GSK3A: variants seen among roughly 807,000 people sequenced by gnomAD.
GSK3A encodes glycogen synthase kinase-3 alpha.
Under a neutral mutation model 56.6 loss-of-function variants are expected in GSK3A, and 14 were observed. That is an observed-to-expected ratio of 0.25 (90% CI 0.16 to 0.39). The LOEUF (loss-of-function observed/expected upper bound fraction) is 0.39. Among genes scored for constraint, GSK3A ranks in the 10% least tolerant of loss-of-function variants. GSK3A has a pLI of 1.00. For missense variants in GSK3A, 450 were observed against 656.0 expected (o/e 0.69, Z 3.43); for synonymous variants, 301 against 285.0 (o/e 1.06, Z -0.56).
At chr19:42,242,154 C>A in intron 1 of GSK3A, 29 bp downstream of exon 1, 1 of 1,334,096 alleles carries the variant, frequency 7.5e-7, no homozygotes, top group Non-Finnish European at 9.6e-7. Flanking sequence ...CCCTAATCAC[C>A]ACCCTACACG....
Position 42,232,588 on chromosome 19 carries a change from C to T in GSK3A, c.1193G>A (p.Cys398Tyr). The T allele has an allele frequency of 6.2e-7, 1 of 1,614,112 alleles. No individual in the cohort carries two copies. The change falls in exon 9 of 11, where the codon TGT (cysteine) becomes TAT (tyrosine). Residue 398 changes from cysteine to tyrosine, a missense_variant. Transcript: ENST00000222330. Reference sequence around the variant, plus strand: ...CAGTTCATCAAAGAAGCTGTGCGCACAGGCCTCTAGTGGGGAGAGCCTTGA... The same window carrying T: ...CAGTTCATCAAAGAAGCTGTGCGCATAGGCCTCTAGTGGGGAGAGCCTTGA... ...PSSRLSPLEACAHSFFDELRC... is the reference protein window; with the variant it reads ...PSSRLSPLEAYAHSFFDELRC...
chr19:42,237,480 G>A (rs1332202213), intron 2 of GSK3A, among the ~76,000 whole-genome samples: 4 of 151,562 alleles, frequency 2.6e-5, no homozygotes, highest in African/African-American at 7.3e-5. Flanking sequence ...GAGGCACCGC[G>A]CCCAGCCACC....
Position 42,240,098 on chromosome 19 carries a change from C to T in GSK3A, c.328G>A (p.Gly110Ser), listed in dbSNP as rs754164769. 24 of 1,614,206 alleles carry T rather than the reference C, an allele frequency of 1.5e-5. No homozygotes were observed. In the East Asian group the frequency reaches 4.7e-4, roughly 31 times the overall value. The part of the protein sequence containing the change: ...VTTVVATLGQ[G>S]PERSQEVAYT... ...GCCACTTCTTGGGAGCGCTCTGGGCCTTGGCCTAGAGTGGCTACGACTGTG... is the reference window on the plus strand; with the variant it reads ...GCCACTTCTTGGGAGCGCTCTGGGCTTTGGCCTAGAGTGGCTACGACTGTG... Residue 110 changes from glycine to serine, a missense_variant, in exon 2 of 11, where the codon GGC becomes AGC. By Grantham distance (56) the Gly-to-Ser change is moderately conservative. Transcript: ENST00000222330.
Position 42,233,267 on chromosome 19 carries a change from G to GGC in GSK3A, c.1002+18_1002+19insGC. 7 of 544,644 alleles carry GGC rather than the reference G, an allele frequency of 1.3e-5. No individual in the cohort carries two copies. The highest frequency in any genetic ancestry group is 2.1e-5 in the African/African-American group (1 of 46,982). 33.7% of individuals were successfully genotyped at this position (544,644 alleles called of 1,614,324 possible). Reference sequence around the variant, plus strand: ...ATCCCTCAGCCCCACCCCCTGCCCAGCCCAGCCCCGCCCCTCACCTTGATG... The same window carrying GGC: ...ATCCCTCAGCCCCACCCCCTGCCCAGGCCCCAGCCCCGCCCCTCACCTTGATG... On this transcript the variant is annotated intron_variant, in intron 7 of 10. Transcript: ENST00000222330.
At chr19:42,235,669 A>G (rs1261504446) in intron 4 of GSK3A, among the ~76,000 whole-genome samples, 2 of 152,018 alleles carry the variant, frequency 1.3e-5, no homozygotes, top group African/African-American at 2.4e-5. Context: ...TGCTTCCTCC[A>G]TTTCCAGAAT....
chr19:42,237,290 C>T (rs1316115476), intron 2 of GSK3A, among the ~76,000 whole-genome samples: 1 of 151,762 alleles, frequency 6.6e-6, no homozygotes, highest in Non-Finnish European at 1.5e-5. Flanking sequence ...TTCCAAGTAG[C>T]TGGGATTACA....
rs780627193 is a variant in GSK3A, at chr19:42,236,633, C to T, written c.639G>A (p.Lys213=). 14 of 1,613,214 alleles carry T rather than the reference C, an allele frequency of 8.7e-6. No individual in the cohort carries two copies. The highest frequency in any genetic ancestry group is 1.1e-5 in the Non-Finnish European group (13 of 1,179,220). The stretch of plus-strand genomic sequence containing the variant: ...TGACATAGAGGATAGGGATGGTCAA[C>T]TTGGCCTTGGTGAAGTGGCGGGCCA... ...YRVARHFTKA[K]LTIPILYVKV... Residue 213 remains lysine (K), a synonymous_variant, in exon 4 of 11, where the codon AAG becomes AAA. Coordinates refer to ENST00000222330, the MANE Select transcript of GSK3A (RefSeq NM_019884.3).
rs1268572541 is a variant in GSK3A at position 42,240,106 on chromosome 19, A to G, written c.320T>C (p.Leu107Pro). Residue 107 changes from leucine to proline, a missense_variant, in exon 2 of 11, where the codon CTA becomes CCA. By Grantham distance (98) the Leu-to-Pro change is moderately conservative (BLOSUM62 -3). This residue lies in a region of GSK3A where 193 missense variants were observed against 200.5 expected (regional missense o/e 0.96). Transcript: ENST00000222330. ...SGKVTTVVAT[L>P]GQGPERSQEV... ...TTGGGAGCGCTCTGGGCCTTGGCCT[A>G]GAGTGGCTACGACTGTGGTCACCTT... The G allele has an allele frequency of 4.3e-6, 7 of 1,614,230 alleles. No individual in the cohort carries two copies. The South Asian group carries it at 5.5e-5, about 13-fold the overall frequency.
rs757588530 is a variant in GSK3A, at chr19:42,234,317, T to C, written c.904+36A>G. 1.9e-5 allele frequency: 29 copies of C among 1,498,498 alleles called. No homozygotes were observed. Among genetic ancestry groups the C allele is most frequent in the Admixed American group, 3.3e-5 (2 of 59,792 alleles). The allele number at this position is 1,498,498 out of a possible 1,614,324, so 92.8% of individuals were successfully genotyped here. A position where few individuals can be genotyped will look rare whatever the true frequency, so the allele number is the denominator to read the frequency against. On this transcript the variant is annotated intron_variant, in intron 6 of 10. Transcript: ENST00000222330. This position sits in a 1 kb window ranked among gnomAD's most constrained non-coding sequence, Gnocchi z 5.7. ...ACAGAAAACTCCAAAACTTCCCAGA[T>C]TGCCACTCCCCCCGCCACCCTCCCA...
In GSK3A at chr19:42,234,371, C is replaced by G; in HGVS notation, c.886G>C (p.Asp296His). The change falls in exon 6 of 11, where the codon GAT (aspartate) becomes CAT (histidine). Residue 296 changes from aspartate (D) to histidine (H), a missense_variant. Around this residue, in one of 3 missense-constraint regions of GSK3A, gnomAD observed 144 missense variants for 308.0 expected, o/e 0.47. Transcript: ENST00000222330. The surrounding 1 kb of genome is among the most constrained non-coding windows in gnomAD (Gnocchi z 5.7). ...CTCTGACCGATGGATGAGGTGTAAT[C>G]AGTGGCTCCAAAGATGAGCTCTGGG... Reference protein sequence around the residue: ...RAPELIFGATDYTSSIDVWSA... With the variant: ...RAPELIFGATHYTSSIDVWSA... 6.2e-7 allele frequency: 1 copy of G among 1,613,794 alleles called. No individual in the cohort carries two copies. The highest frequency in any genetic ancestry group is 8.5e-7 in the Non-Finnish European group (1 of 1,179,636).
chr19:42,235,764 G>C (rs1411550703), intron 4 of GSK3A, among the ~76,000 whole-genome samples: 3 of 152,166 alleles, frequency 2.0e-5, no homozygotes, highest in Non-Finnish European at 4.4e-5. Context: ...CAAACTGAGA[G>C]CTCTTCAAGG....
Position 42,230,565 on chromosome 19 carries a change from A to G in GSK3A, c.*229T>C, listed in dbSNP as rs1294477549. 3 of 576,014 alleles carry G rather than the reference A, an allele frequency of 5.2e-6. No homozygotes were observed. The highest frequency in any genetic ancestry group is 9.3e-6 in the Non-Finnish European group (3 of 321,060). The allele number at this position is 576,014 out of a possible 1,614,324, so 35.7% of individuals were successfully genotyped here. On this transcript the variant is annotated 3_prime_UTR_variant, in exon 11 of 11. Transcript: ENST00000222330. The stretch of plus-strand genomic sequence containing the variant: ...GGGGTAGGAGGTCCTCATCCCCCCA[A>G]CACCCTGTCCTTCTCTTCCCTCCCC...
In GSK3A at chr19:42,234,641, A is replaced by T. The variant is rs908624912; in HGVS notation, c.704T>A (p.Ile235Asn). Reference sequence around the variant, plus strand: ...GCGGTGACACACGCCCTGGGAGTGGATGTAGGCCAAGCTGCGGAAGAGCTG... The same window carrying T: ...GCGGTGACACACGCCCTGGGAGTGGTTGTAGGCCAAGCTGCGGAAGAGCTG... Reference protein sequence around the residue: ...MYQLFRSLAYIHSQGVCHRDI... With the variant: ...MYQLFRSLAYNHSQGVCHRDI... The change falls in exon 5 of 11, where the codon ATC (isoleucine) becomes AAC (asparagine). Residue 235 changes from isoleucine to asparagine, a missense_variant. Physicochemically the swap from Ile to Asn is moderately radical, Grantham distance 149. Around this residue, in one of 3 missense-constraint regions of GSK3A, gnomAD observed 144 missense variants for 308.0 expected, o/e 0.47. Transcript: ENST00000222330. The surrounding 1 kb of genome is among the most constrained non-coding windows in gnomAD (Gnocchi z 5.7). 1 of 1,612,260 alleles carries T rather than the reference A, an allele frequency of 6.2e-7. No homozygotes were observed. Among genetic ancestry groups the T allele is most frequent in the Non-Finnish European group, 8.5e-7 (1 of 1,179,326 alleles).
Position 42,242,578 on chromosome 19 carries a change from G to T in GSK3A, c.-113C>A. ...GCCTCTTCCAGGCCGCGCCGCTCTGGCTTGGGCTCCGGCTCCGGCCCAGCG... is the reference window on the plus strand; with the variant it reads ...GCCTCTTCCAGGCCGCGCCGCTCTGTCTTGGGCTCCGGCTCCGGCCCAGCG... On this transcript the variant is annotated 5_prime_UTR_variant, in exon 1 of 11. Transcript: ENST00000222330. 1.1e-6 allele frequency: 1 copy of T among 929,268 alleles called. No homozygotes were observed. Among genetic ancestry groups the T allele is most frequent in the Non-Finnish European group, 1.4e-6 (1 of 723,658 alleles). 57.6% of individuals were successfully genotyped at this position (929,268 alleles called of 1,614,324 possible). A position where few individuals can be genotyped will look rare whatever the true frequency, so the allele number is the denominator to read the frequency against.
intron 4 of GSK3A, among the ~76,000 whole-genome samples, chr19:42,235,225 G>C (rs1209731047): frequency 6.6e-6 from 1 of 152,172 alleles, no homozygotes; most frequent in African/African-American, 2.4e-5. Flanking sequence ...CACTGATGCT[G>C]GTCCCCGGAC....
rs373697675 is a variant in GSK3A at position 42,232,686 on chromosome 19, AG to A, written c.1099-5del. ...GCGGCGTTCGAGATTTGAACACCTG[AG>A]GGATGGGTGCAGGGCTCATGAGGGT... On this transcript the variant is annotated splice_region_variant and splice_polypyrimidine_tract_variant and intron_variant, in intron 8 of 10. Transcript: ENST00000222330. The A allele has an allele frequency of 4.0e-4, 622 of 1,570,618 alleles. 2 individuals are homozygous for A. In the East Asian group the frequency reaches 6.9e-3, roughly 17 times the overall value.
chr19:42,235,375 C>T (rs1281180293), intron 4 of GSK3A, among the ~76,000 whole-genome samples: 2 of 152,112 alleles, frequency 1.3e-5, no homozygotes, highest in African/African-American at 2.4e-5. Context: ...CTCCTTAATC[C>T]GACAATCAAA....
chr19:42,232,179 G>A (rs748766228), intron 9 of GSK3A, 30 bp from the exon 10 acceptor site: 6 of 1,377,824 alleles, frequency 4.4e-6, no homozygotes, highest in Non-Finnish European at 5.2e-6. Context: ...TGCTAGTCAG[G>A]GTAGACTACA....
chr19:42,237,013 C>T, intron 2 of GSK3A, 72 bp from the exon 3 acceptor site: 1 of 1,002,058 alleles, frequency 1.0e-6, no homozygotes, highest in Non-Finnish European at 1.6e-6. Context: ...ACACTCACTC[C>T]CAACAACAGC....
Sources: allele counts gnomAD v4.1 joint callset (sites outside exome capture counted in the v4.1 genomes callset), GRCh38; gene constraint gnomAD v4.1.1; regional missense constraint gnomAD v4.1.1; non-coding constraint Gnocchi (gnomAD v3.1); transcripts MANE v1.5; gene names NCBI Gene and HGNC (gene_info 2026-07-23, HGNC 2026-07-21).